The following MBD5 variants were observed in gnomAD, a reference collection of about 807,000 sequenced individuals.
MBD5 encodes the protein methyl-CpG-binding domain protein 5.
Under a neutral mutation model 117.3 loss-of-function variants are expected in MBD5, and 13 were observed. The ratio of observed to expected loss-of-function variants is 0.11; its 90% confidence interval spans 0.07 to 0.18. MBD5 has a LOEUF of 0.18. Among genes scored for constraint, MBD5 ranks in the 10% least tolerant of loss-of-function variants. The pLI is 1.00. For synonymous variants in MBD5, 727 were observed against 766.4 expected (o/e 0.95, Z 0.85); for missense variants, 1,879 against 2,093.8 (o/e 0.90, Z 2.00).
At chr2:148,420,190 G>T (rs1488025898) in intron 4 of MBD5, among the ~76,000 whole-genome samples, 2 of 151,940 alleles carry the variant, frequency 1.3e-5, no homozygotes, top group African/African-American at 2.4e-5. Context: ...CCAGCATTTT[G>T]TCTCTTTCCT....
At chr2:148,238,617 G>T (rs527769798) in intron 3 of MBD5, among the ~76,000 whole-genome samples, 1 of 152,070 alleles carries the variant, frequency 6.6e-6, no homozygotes, top group Non-Finnish European at 1.5e-5. Flanking sequence ...TTAAAATAAC[G>T]AAAGTTTATT....
chr2:148,502,344 T>A (rs1431039902), intron 11 of MBD5, 92 bp from the exon 12 acceptor site: 1 of 1,151,994 alleles, frequency 8.7e-7, no homozygotes, highest in Non-Finnish European at 1.3e-6. Context: ...TCCCCGCCAG[T>A]GCAGCACCTG....
intron 1 of MBD5, among the ~76,000 whole-genome samples, chr2:148,049,000 A>G (rs1056310637): frequency 6.6e-6 from 1 of 152,178 alleles, no homozygotes; most frequent in Non-Finnish European, 1.5e-5. Context: ...GAGCAAAGAA[A>G]TAGAATTTCA....
At position 148,129,063 on chromosome 2, in the gene MBD5, TA is replaced by T. The variant is rs558242089; in HGVS notation, c.-924-49633del. On this transcript the variant is annotated intron_variant, in intron 1 of 13. Coordinates refer to ENST00000642680, the MANE Select transcript of MBD5 (RefSeq NM_001378120.1). ...CTTTCGTCTTTTTTATAAGGACCTTTAAAATACTATCCAACCCCAATTTTAA... is the reference window on the plus strand; with the variant it reads ...CTTTCGTCTTTTTTATAAGGACCTTTAAATACTATCCAACCCCAATTTTAA... Among the ~76,000 whole-genome samples, 93 of 152,320 alleles carry T rather than the reference TA, an allele frequency of 6.1e-4. 3 individuals are homozygous for T. Among genetic ancestry groups the T allele is most frequent in the Admixed American group, 5.2e-3 (80 of 15,292 alleles).
chr2:148,397,415 C>T (rs978257007), intron 4 of MBD5, among the ~76,000 whole-genome samples: 5 of 150,708 alleles, frequency 3.3e-5, no homozygotes, highest in Admixed American at 6.6e-5. Context: ...CTGCAAGCTC[C>T]GCCTCCCAGG....
intron 3 of MBD5, among the ~76,000 whole-genome samples, chr2:148,247,511 A>T (rs1239416510): frequency 1.3e-5 from 2 of 152,212 alleles, no homozygotes; most frequent in Non-Finnish European, 2.9e-5. Flanking sequence ...GCCAGTTCAG[A>T]TATTGAGTTC....
At chr2:148,480,576 G>A (rs1681117780) in intron 8 of MBD5, among the ~76,000 whole-genome samples, 1 of 151,906 alleles carries the variant, frequency 6.6e-6, no homozygotes, top group Non-Finnish European at 1.5e-5. Flanking sequence ...AAAAATATTT[G>A]TAAAGGTTTA....
chr2:148,108,552 AAAAG>A (rs1696429385), intron 1 of MBD5, among the ~76,000 whole-genome samples: 1 of 152,120 alleles, frequency 6.6e-6, no homozygotes, highest in African/African-American at 2.4e-5. Flanking sequence ...AAAAAAAAAA[AAAAG>A]CTAACGCTCA....
At chr2:148,471,516 TTAA>T (rs1680795050) in intron 8 of MBD5, 1 of 152,162 alleles carries the variant, frequency 6.6e-6, no homozygotes, top group Admixed American at 6.6e-5. Context: ...GCTGAGGTTT[TTAA>T]TAATAAGCTA....
At chr2:148,230,789 T>TC (rs1699964368) in intron 2 of MBD5, among the ~76,000 whole-genome samples, 1 of 152,070 alleles carries the variant, frequency 6.6e-6, no homozygotes, top group South Asian at 2.1e-4. Context: ...ACTGGGTTCT[T>TC]CCGTTCAAGG....
At chr2:148,453,753 G>A (rs1706799295) in intron 4 of MBD5, among the ~76,000 whole-genome samples, 1 of 151,860 alleles carries the variant, frequency 6.6e-6, no homozygotes, top group South Asian at 2.1e-4. Context: ...AAGTAAACCT[G>A]ACTACATCTT....
intron 4 of MBD5, among the ~76,000 whole-genome samples, chr2:148,425,103 T>A (rs1376130309): frequency 3.3e-5 from 5 of 152,136 alleles, no homozygotes; most frequent in Non-Finnish European, 7.4e-5. Context: ...GAGCTGGTTT[T>A]TTGAAAAGAT....
intron 3 of MBD5, among the ~76,000 whole-genome samples, chr2:148,305,734 T>A (rs1701875865): frequency 6.6e-6 from 1 of 152,192 alleles, no homozygotes; most frequent in Non-Finnish European, 1.5e-5. Context: ...GTTTTAGTTC[T>A]TAGTGATGCC....
At position 148,353,514 on chromosome 2, in the gene MBD5, G is replaced by A. The variant is rs138592098; in HGVS notation, c.-557+11178G>A. Among the ~76,000 whole-genome samples, 340 of 152,094 alleles carry A rather than the reference G, an allele frequency of 2.2e-3. 5 individuals are homozygous for A. In the South Asian group the frequency reaches 0.031, roughly 14 times the overall value. On this transcript the variant is annotated intron_variant, in intron 4 of 13. Transcript: ENST00000642680. ...AACAACACGCACACAAACACATAAAGGAAGCATTATATACTCACTCACCCA... is the reference window on the plus strand; with the variant it reads ...AACAACACGCACACAAACACATAAAAGAAGCATTATATACTCACTCACCCA...
intron 2 of MBD5, among the ~76,000 whole-genome samples, chr2:148,189,190 G>C (rs1463051233): frequency 1.4e-5 from 2 of 147,424 alleles, no homozygotes; most frequent in African/African-American, 2.6e-5. Flanking sequence ...AGGGGCGCCC[G>C]CCATTGCTCA....
rs1041635038 is a variant in MBD5, at chr2:148,173,224, C to G, written c.-924-5476C>G. Among the ~76,000 whole-genome samples, 12 of 152,178 alleles carry G rather than the reference C, an allele frequency of 7.9e-5. No homozygotes were observed. In the South Asian group the frequency reaches 2.5e-3, roughly 31 times the overall value. On this transcript the variant is annotated intron_variant, in intron 1 of 13. Transcript: ENST00000642680. ...GGCTCCTTGAGCCAGTGCTGTGACA[C>G]CCTCTTTGTGGCTCTGTGTATCCTG... is the stretch of plus-strand genomic sequence containing the variant.
At chr2:148,174,401 T>G (rs530244026) in intron 1 of MBD5, among the ~76,000 whole-genome samples, 29 of 152,282 alleles carry the variant, frequency 1.9e-4, no homozygotes, top group Admixed American at 1.9e-3. Flanking sequence ...GGGTATTGAT[T>G]TTTTGGATTT....
At chr2:148,059,722 T>C (rs1253638765) in intron 1 of MBD5, among the ~76,000 whole-genome samples, 1 of 151,884 alleles carries the variant, frequency 6.6e-6, no homozygotes, top group Non-Finnish European at 1.5e-5. Flanking sequence ...GGCGGGCACC[T>C]GTAGTCCCAG....
intron 1 of MBD5, among the ~76,000 whole-genome samples, chr2:148,032,826 C>A (rs1694078002): frequency 6.6e-6 from 1 of 151,848 alleles, no homozygotes; most frequent in East Asian, 1.9e-4. Context: ...CATAAGAAAC[C>A]CTTTTAACAG....
Sources: allele counts gnomAD v4.1 joint callset (sites outside exome capture counted in the v4.1 genomes callset), GRCh38; gene constraint gnomAD v4.1.1; transcripts MANE v1.5; gene names NCBI Gene and HGNC (gene_info 2026-07-23, HGNC 2026-07-21).